CCDC88A: variants seen among roughly 807,000 people sequenced by gnomAD.
CCDC88A encodes the protein girdin.
In CCDC88A, 54 loss-of-function variants were observed where a neutral mutation model predicts 234.3. That is an observed-to-expected ratio of 0.23 (90% CI 0.19 to 0.29). The LOEUF is 0.29. Among genes scored for constraint, CCDC88A ranks in the 10% least tolerant of loss-of-function variants. CCDC88A has a pLI of 1.00. For missense variants in CCDC88A, 1,832 were observed against 2,123.4 expected (o/e 0.86, Z 2.70); for synonymous variants, 753 against 737.8 (o/e 1.02, Z -0.33).
intron 2 of CCDC88A, chr2:55,404,465 A>ACC (rs1679222534): frequency 6.6e-6 from 1 of 151,860 alleles, no homozygotes; most frequent in Non-Finnish European, 1.5e-5. Flanking sequence ...TAACTCCATT[A>ACC]TAAACCCACC....
chr2:55,303,847 A>G (rs1272529757), intron 25 of CCDC88A, among the ~76,000 whole-genome samples: 1 of 152,214 alleles, frequency 6.6e-6, no homozygotes, highest in Non-Finnish European at 1.5e-5. Flanking sequence ...AAAATGTACA[A>G]GGCTTTTGAA....
rs372210906 is a variant in CCDC88A, at chr2:55,318,836, T to C, written c.3324+7A>G. The C allele has an allele frequency of 2.2e-5, 35 of 1,580,490 alleles. No individual in the cohort carries two copies. The African/African-American group carries it at 4.6e-4, about 21-fold the overall frequency. ...GGTTGCATATTCCCAAAATATTATA[T>C]TACAACCTGAAGCTTGGCATTCTGT... is the stretch of plus-strand genomic sequence containing the variant. On this transcript the variant is annotated splice_region_variant and intron_variant, in intron 19 of 32. Transcript: ENST00000436346.
In CCDC88A at chr2:55,328,189, A is replaced by C; in HGVS notation, c.2997+105T>G. ...TTATGAAAAAGGAAGAAATAGACTA[A>C]ATATCAATAAAATGTTTATATTTTT... On this transcript the variant is annotated intron_variant, in intron 17 of 32. Coordinates refer to ENST00000436346, the MANE Select transcript of CCDC88A (RefSeq NM_001365480.1). The surrounding 1 kb of genome is among the most constrained non-coding windows in gnomAD (Gnocchi z 4.3). 1.1e-6 allele frequency: 1 copy of C among 880,236 alleles called. No homozygotes were observed. Among genetic ancestry groups the C allele is most frequent in the African/African-American group, 1.7e-5 (1 of 58,036 alleles). The allele number at this position is 880,236 out of a possible 1,614,324, so 54.5% of individuals were successfully genotyped here.
chr2:55,393,585 T>C lies in CCDC88A; in HGVS notation c.165-4699A>G, dbSNP rs912410960. Among the ~76,000 whole-genome samples the C allele has an allele frequency of 2.0e-5, 3 of 152,086 alleles. No individual in the cohort carries two copies. In the East Asian group the frequency reaches 5.8e-4, roughly 29 times the overall value. Reference sequence around the variant, plus strand: ...CTGGGATTACAGGCATGAGCCACGATGCCCAGCCAAAACTATAGAGTTTTT... The same window carrying C: ...CTGGGATTACAGGCATGAGCCACGACGCCCAGCCAAAACTATAGAGTTTTT... On this transcript the variant is annotated intron_variant, in intron 2 of 32. Coordinates refer to ENST00000436346, the MANE Select transcript of CCDC88A (RefSeq NM_001365480.1).
chr2:55,332,718 TCA>T lies in CCDC88A; in HGVS notation c.2728-27_2728-26del, dbSNP rs760253999. 4.4e-6 allele frequency: 7 copies of T among 1,606,696 alleles called. No individual in the cohort carries two copies. In the Admixed American group the frequency reaches 1.0e-4, roughly 23 times the overall value. ...CCTTATTTTAAAAGAAATGCAAAAC[TCA>T]CCTAAGTGTCAAGGGTATAAACATC... On this transcript the variant is annotated intron_variant, in intron 15 of 32. Transcript: ENST00000436346. The surrounding 1 kb of genome is among the most constrained non-coding windows in gnomAD (Gnocchi z 4.5).
At chr2:55,359,737 T>C (rs981863764) in intron 7 of CCDC88A, among the ~76,000 whole-genome samples, 1 of 151,842 alleles carries the variant, frequency 6.6e-6, no homozygotes, top group Admixed American at 6.6e-5. Flanking sequence ...TATAACAATC[T>C]TTGGTTCTTT....
At chr2:55,391,358 CA>C (rs1312929249) in intron 2 of CCDC88A, among the ~76,000 whole-genome samples, 2 of 107,608 alleles carry the variant, frequency 1.9e-5, no homozygotes, top group African/African-American at 2.7e-5. Flanking sequence ...CCAGACACTC[CA>C]AAATATAATC....
Position 55,334,808 on chromosome 2 carries a change from T to A in CCDC88A, c.2013A>T (p.Glu671Asp), listed in dbSNP as rs112409178. 24,304 of 1,577,022 alleles carry A rather than the reference T, an allele frequency of 0.015. 293 individuals carry two copies. Among genetic ancestry groups the A allele is most frequent in the Middle Eastern group, 0.044 (250 of 5,672 alleles). Reference sequence around the variant, plus strand: ...CCAATGTTTTTTTTAATTTTCTATTTTCTCTTTCTAGCTCTGAATTTTCTT... The same window carrying A: ...CCAATGTTTTTTTTAATTTTCTATTATCTCTTTCTAGCTCTGAATTTTCTT... Reference protein sequence around the residue: ...LEQENSELERENRKLKKTLDS... With the variant: ...LEQENSELERDNRKLKKTLDS... Residue 671 changes from glutamate (E) to aspartate (D), a missense_variant, in exon 15 of 33, where the codon GAA (glutamate) becomes GAT (aspartate). Physicochemically the swap from Glu to Asp is conservative, Grantham distance 45. This residue lies in a region of CCDC88A where 1,282 missense variants were observed against 1,543.6 expected (regional missense o/e 0.83). Transcript: ENST00000436346. The surrounding 1 kb of genome is among the most constrained non-coding windows in gnomAD (Gnocchi z 6.1).
chr2:55,372,329 A>C (rs1352936018), intron 5 of CCDC88A, 123 bp downstream of exon 5: 1 of 542,710 alleles, frequency 1.8e-6, no homozygotes, highest in African/African-American at 1.9e-5. Flanking sequence ...CAGTTATTGA[A>C]AATTTTCTAA....
At chr2:55,296,640 G>T in intron 29 of CCDC88A, 117 bp from the exon 30 acceptor site, 1 of 968,202 alleles carries the variant, frequency 1.0e-6, no homozygotes, top group Non-Finnish European at 1.5e-6. Flanking sequence ...TTACTTTCAA[G>T]CTTTATTTAG....
intron 14 of CCDC88A, among the ~76,000 whole-genome samples, chr2:55,336,480 A>T (rs1437787890): frequency 1.3e-5 from 2 of 152,174 alleles, no homozygotes; most frequent in East Asian, 3.8e-4. Flanking sequence ...ATGGTAGTTT[A>T]AAAAACTCTA....
chr2:55,376,894 C>T (rs1343116277), intron 3 of CCDC88A, among the ~76,000 whole-genome samples: 4 of 152,068 alleles, frequency 2.6e-5, no homozygotes, highest in Admixed American at 6.5e-5. Context: ...TGCAGTGGCG[C>T]GATCTTGGCT....
At chr2:55,416,509 T>C (rs1180274815) in intron 2 of CCDC88A, among the ~76,000 whole-genome samples, 1 of 128,744 alleles carries the variant, frequency 7.8e-6, no homozygotes, top group Non-Finnish European at 1.7e-5. Context: ...CTTCTAGGAA[T>C]AATGACTGAA....
At chr2:55,295,081 C>T in intron 31 of CCDC88A, 2 of 1,300,772 alleles carry the variant, frequency 1.5e-6, no homozygotes, top group Non-Finnish European at 1.0e-6. Context: ...CAACCATATT[C>T]ATACCAAACA....
intron 5 of CCDC88A, among the ~76,000 whole-genome samples, chr2:55,371,934 G>T (rs1344825293): frequency 1.3e-5 from 2 of 152,062 alleles, no homozygotes; most frequent in Non-Finnish European, 2.9e-5. Flanking sequence ...ACACAAAGTA[G>T]GTATTCTATA....
Position 55,318,985 on chromosome 2 carries a change from T to A in CCDC88A, c.3182A>T (p.Glu1061Val). ...CAGTTGAGTTTTCAACGCTTGCTTCTCTGCTTGCAGTGTAGCATTCTTGAA... is the reference window on the plus strand; with the variant it reads ...CAGTTGAGTTTTCAACGCTTGCTTCACTGCTTGCAGTGTAGCATTCTTGAA... ...VERNNATLQA[E>V]KQALKTQLKQ... The change falls in exon 19 of 33, where the codon GAG becomes GTG. Residue 1061 changes from glutamate (E) to valine (V), a missense_variant. Glu to Val is a moderately radical substitution (Grantham distance 121, BLOSUM62 -2). Coordinates refer to ENST00000436346, the MANE Select transcript of CCDC88A (RefSeq NM_001365480.1). 6.2e-7 allele frequency: 1 copy of A among 1,613,212 alleles called. No individual in the cohort carries two copies. The highest frequency in any genetic ancestry group is 1.3e-5 in the African/African-American group (1 of 75,042).
At chr2:55,393,449 C>G (rs1168498508) in intron 2 of CCDC88A, among the ~76,000 whole-genome samples, 3 of 151,544 alleles carry the variant, frequency 2.0e-5, no homozygotes, top group Non-Finnish European at 2.9e-5. Context: ...TGCCACCACG[C>G]CCGGCTAATT....
At chr2:55,362,494 C>T in intron 6 of CCDC88A, 46 bp from the exon 7 acceptor site, 1 of 1,536,846 alleles carries the variant, frequency 6.5e-7, no homozygotes, top group East Asian at 2.3e-5. Flanking sequence ...GTGGCTAATA[C>T]TTAAAAATCT....
chr2:55,328,202 T>G lies in CCDC88A; in HGVS notation c.2997+92A>C, dbSNP rs557066527. ...AGAAATAGACTAAATATCAATAAAA[T>G]GTTTATATTTTTATTTTCTACTTTA... On this transcript the variant is annotated intron_variant, in intron 17 of 32. Coordinates refer to ENST00000436346, the MANE Select transcript of CCDC88A (RefSeq NM_001365480.1). The surrounding 1 kb of genome is among the most constrained non-coding windows in gnomAD (Gnocchi z 4.3). 4.1e-6 allele frequency: 4 copies of G among 966,252 alleles called. No homozygotes were observed. The highest frequency in any genetic ancestry group is 6.1e-6 in the Non-Finnish European group (4 of 655,734). The allele number at this position is 966,252 out of a possible 1,614,324, so 59.9% of individuals were successfully genotyped here. A position where few individuals can be genotyped will look rare whatever the true frequency, so the allele number is the denominator to read the frequency against.
Sources: allele counts gnomAD v4.1 joint callset (sites outside exome capture counted in the v4.1 genomes callset), GRCh38; gene constraint gnomAD v4.1.1; regional missense constraint gnomAD v4.1.1; non-coding constraint Gnocchi (gnomAD v3.1); transcripts MANE v1.5; gene names NCBI Gene and HGNC (gene_info 2026-07-23, HGNC 2026-07-21).